Variants in GUCA1C observed in about 807,000 individuals in gnomAD.
GUCA1C encodes the protein guanylate cyclase activator 1C.
GUCA1C carries 15 observed loss-of-function variants against 16.2 expected under a neutral mutation model. The observed-to-expected ratio is 0.93, with a 90% confidence interval of 0.62 to 1.43. The LOEUF (loss-of-function observed/expected upper bound fraction) is 1.43, where lower values mean the gene tolerates loss of function less well. GUCA1C is among the 40% of genes most tolerant of loss of function. GUCA1C has a pLI of 0.00. For synonymous variants in GUCA1C, 78 were observed against 85.4 expected (o/e 0.91, Z 0.48); for missense variants, 275 against 244.8 (o/e 1.12, Z -0.82).
chr3:108,943,301 G>T (rs773695071), intron 1 of GUCA1C, among the ~76,000 whole-genome samples: 2 of 152,124 alleles, frequency 1.3e-5, no homozygotes, highest in East Asian at 3.9e-4. Context: ...ACCACGTTTG[G>T]CAATTGTAAG....
chr3:108,923,608 G>T lies in GUCA1C; in HGVS notation c.205-3023C>A, dbSNP rs536846612. The stretch of plus-strand genomic sequence containing the variant: ...TGACGTCTCTATATTTGTTCTTTCT[G>T]CTTCATCTTGATTTAGCTATGCAGG... On this transcript the variant is annotated intron_variant, in intron 1 of 3. Transcript: ENST00000261047. Among the ~76,000 whole-genome samples, 276 of 152,074 alleles carry T rather than the reference G, an allele frequency of 1.8e-3. 1 individual carries two copies. Among genetic ancestry groups the T allele is most frequent in the Non-Finnish European group, 1.8e-3 (123 of 67,964 alleles).
chr3:108,951,871 GCTTC>G (rs994000941), intron 1 of GUCA1C, among the ~76,000 whole-genome samples: 17 of 152,192 alleles, frequency 1.1e-4, no homozygotes, highest in African/African-American at 3.4e-4. Flanking sequence ...CATTGTCCCT[GCTTC>G]CTTGACAGTG....
chr3:108,937,839 G>A (rs985806111), intron 1 of GUCA1C, among the ~76,000 whole-genome samples: 4 of 152,176 alleles, frequency 2.6e-5, no homozygotes, highest in African/African-American at 7.2e-5. Flanking sequence ...TTGGGAGGCC[G>A]AGGAGGGTGG....
chr3:108,909,812 TA>T lies in GUCA1C; in HGVS notation c.443-1604del, dbSNP rs199715790. Among the ~76,000 whole-genome samples, 32 of 151,648 alleles carry T rather than the reference TA, an allele frequency of 2.1e-4. 1 individual carries two copies. The highest frequency in any genetic ancestry group is 6.8e-4 in the African/African-American group (28 of 41,358). Reference sequence around the variant, plus strand: ...TTTCATGTTACCTAACCACTTACCATAAAAAAAAATCTCTGTTCCAAATCAT... The same window carrying T: ...TTTCATGTTACCTAACCACTTACCATAAAAAAAATCTCTGTTCCAAATCAT... On this transcript the variant is annotated intron_variant, in intron 3 of 3. Coordinates refer to ENST00000261047, the MANE Select transcript of GUCA1C (RefSeq NM_005459.4).
chr3:108,910,247 C>A (rs1268066344), intron 3 of GUCA1C, among the ~76,000 whole-genome samples: 1 of 152,106 alleles, frequency 6.6e-6, no homozygotes, highest in Non-Finnish European at 1.5e-5. Context: ...GCCTGTAAAC[C>A]CAGCACTTTG....
chr3:108,911,636 G>A (rs1421408710), intron 3 of GUCA1C, among the ~76,000 whole-genome samples: 1 of 152,178 alleles, frequency 6.6e-6, no homozygotes, highest in East Asian at 1.9e-4. Context: ...CCTCTACGTG[G>A]AAACTCAGTT....
chr3:108,916,053 C>A (rs1946506579), intron 3 of GUCA1C, 74 bp downstream of exon 3: 4 of 1,586,440 alleles, frequency 2.5e-6, no homozygotes, highest in Non-Finnish European at 3.4e-6. Flanking sequence ...CTGCTTTTGT[C>A]TAAATAACAC....
intron 1 of GUCA1C, among the ~76,000 whole-genome samples, chr3:108,935,049 G>A (rs1253989125): frequency 1.3e-5 from 2 of 151,616 alleles, no homozygotes; most frequent in East Asian, 2.0e-4. Flanking sequence ...TCCTGACCTC[G>A]TGATCCGCCC....
At chr3:108,935,246 A>G (rs563956139) in intron 1 of GUCA1C, among the ~76,000 whole-genome samples, 1 of 152,246 alleles carries the variant, frequency 6.6e-6, no homozygotes, top group Admixed American at 6.5e-5. Flanking sequence ...ATTGGGTACT[A>G]TAATCACTAT....
Position 108,943,969 on chromosome 3 carries a change from A to T in GUCA1C, c.204+9590T>A, listed in dbSNP as rs1278157895. On this transcript the variant is annotated intron_variant, in intron 1 of 3. Transcript: ENST00000261047. ...CTGTACCCCAATAACTTATAGAAAA[A>T]ATTTTTAATTAAATAAATAAATATA... is the stretch of plus-strand genomic sequence containing the variant. 3.3e-5 allele frequency among the ~76,000 whole-genome samples: 5 copies of T among 152,134 alleles called. No homozygotes were observed. In the East Asian group the frequency reaches 9.6e-4, roughly 29 times the overall value.
chr3:108,927,232 T>C (rs1946631063), intron 1 of GUCA1C, among the ~76,000 whole-genome samples: 1 of 152,226 alleles, frequency 6.6e-6, no homozygotes, highest in African/African-American at 2.4e-5. Context: ...TGTGAAAAAT[T>C]TCCCAGGTGA....
intron 2 of GUCA1C, among the ~76,000 whole-genome samples, chr3:108,919,164 G>A (rs970864183): frequency 1.4e-4 from 22 of 151,934 alleles, no homozygotes; most frequent in African/African-American, 5.3e-4. Context: ...AGAGACGAAT[G>A]GTATCTAATT....
chr3:108,931,049 C>G (rs1455781579), intron 1 of GUCA1C, among the ~76,000 whole-genome samples: 1 of 152,162 alleles, frequency 6.6e-6, no homozygotes, highest in Non-Finnish European at 1.5e-5. Context: ...TTAGGGTTGA[C>G]CAATCAATTC....
chr3:108,932,254 G>T (rs1473230750), intron 1 of GUCA1C, among the ~76,000 whole-genome samples: 1 of 150,300 alleles, frequency 6.7e-6, no homozygotes, highest in African/African-American at 2.5e-5. Context: ...GCCTGAGTGG[G>T]GTTCATAAAT....
At position 108,918,017 on chromosome 3, in the gene GUCA1C, C is replaced by G. The variant is rs556929265; in HGVS notation, c.355-1803G>C. On this transcript the variant is annotated intron_variant, in intron 2 of 3. Transcript: ENST00000261047. The stretch of plus-strand genomic sequence containing the variant: ...CCGAGATCGTGCCATTGCACTCCAG[C>G]CTGGGTGACAGAGCGAGACTCCGTC... Among the ~76,000 whole-genome samples, 631 of 152,270 alleles carry G rather than the reference C, an allele frequency of 4.1e-3. 3 individuals carry two copies. Among genetic ancestry groups the G allele is most frequent in the Middle Eastern group, 0.014 (4 of 294 alleles).
Position 108,916,198 on chromosome 3 carries a change from T to C in GUCA1C, c.371A>G (p.Asn124Ser). The change falls in exon 3 of 4, where the codon AAT becomes AGT. Residue 124 changes from asparagine to serine, a missense_variant. Asn to Ser is a conservative substitution (Grantham distance 46, BLOSUM62 1). Transcript: ENST00000261047. ...LDMFMAVQAL[N>S]GQQTLSPEEF... ...TTCAGGACTCAGAGTTTGCTGGCCA[T>C]TGAGGGCTTGTACCGCCTGCAAAAA... 2 of 1,613,652 alleles carry C rather than the reference T, an allele frequency of 1.2e-6. No individual in the cohort carries two copies. Among genetic ancestry groups the C allele is most frequent in the African/African-American group, 1.3e-5 (1 of 75,028 alleles).
chr3:108,924,438 A>G (rs1211195006), intron 1 of GUCA1C, among the ~76,000 whole-genome samples: 1 of 152,104 alleles, frequency 6.6e-6, no homozygotes, highest in Non-Finnish European at 1.5e-5. Context: ...GTGGTGTATT[A>G]CATTTATTAA....
At chr3:108,927,537 T>C (rs1484864322) in intron 1 of GUCA1C, among the ~76,000 whole-genome samples, 2 of 151,992 alleles carry the variant, frequency 1.3e-5, no homozygotes, top group African/African-American at 4.8e-5. Context: ...GCTGAGACTT[T>C]CTAGTGTATT....
chr3:108,933,626 T>C (rs1946692766), intron 1 of GUCA1C, among the ~76,000 whole-genome samples: 1 of 152,184 alleles, frequency 6.6e-6, no homozygotes, highest in Non-Finnish European at 1.5e-5. Flanking sequence ...AAAACCACAG[T>C]GAGATATCAT....
Sources: allele counts gnomAD v4.1 joint callset (sites outside exome capture counted in the v4.1 genomes callset), GRCh38; gene constraint gnomAD v4.1.1; transcripts MANE v1.5; gene names NCBI Gene and HGNC (gene_info 2026-07-23, HGNC 2026-07-21).